Variants in DLC1 observed in about 807,000 individuals in gnomAD.
DLC1 encodes rho GTPase-activating protein 7.
In DLC1, 54 loss-of-function variants were observed where a neutral mutation model predicts 140.3. The ratio of observed to expected loss-of-function variants is 0.38; its 90% CI spans 0.31 to 0.48. The LOEUF is 0.48. Ranked by LOEUF, DLC1 falls within the 20% of genes least tolerant of loss-of-function variation. The probability of loss-of-function intolerance (pLI) is 0.96; values close to 1 mark genes in which losing one functional copy is unlikely to be tolerated. For synonymous variants in DLC1, 986 were observed against 728.1 expected, an observed-to-expected ratio of 1.35 and a Z score of -5.70; for missense variants, 2,536 against 1,907.0, an observed-to-expected ratio of 1.33 and a Z score of -6.14.
chr8:13,453,490 A>ATGTG (rs1491215613), intron 2 of DLC1, among the ~76,000 whole-genome samples: 4 of 36,392 alleles, frequency 1.1e-4, no homozygotes, highest in African/African-American at 5.4e-4. Flanking sequence ...GTATATATAT[A>ATGTG]CATATATATA....
At chr8:13,561,983 A>C (rs923380386) in intron 1 of DLC1, among the ~76,000 whole-genome samples, 3 of 152,154 alleles carry the variant, frequency 2.0e-5, no homozygotes, top group African/African-American at 7.2e-5. Flanking sequence ...ACAGGAAAAA[A>C]ATCAATGGAA....
chr8:13,133,708 C>A (rs1263397448), intron 5 of DLC1, among the ~76,000 whole-genome samples: 1 of 152,026 alleles, frequency 6.6e-6, no homozygotes, highest in Admixed American at 6.6e-5. Flanking sequence ...GGCCTGGACC[C>A]TAGTGTGCCT....
In DLC1 at chr8:13,086,408, C is replaced by T; in HGVS notation, c.4348G>A (p.Asp1450Asn). The change falls in exon 17 of 18, where the codon GAT becomes AAT. Residue 1450 changes from aspartate to asparagine, a missense_variant. By Grantham distance (23) the Asp-to-Asn change is conservative (BLOSUM62 1). Transcript: ENST00000276297. Reference sequence around the variant, plus strand: ...CCCACCACAGGTGCGCGATCGTGATCCACAGAGGTTAGTAAAAGGGCACAG... The same window carrying T: ...CCCACCACAGGTGCGCGATCGTGATTCACAGAGGTTAGTAAAAGGGCACAG... ...GACALLLTSVDHDRAPVVGVR... is the reference protein window; with the variant it reads ...GACALLLTSVNHDRAPVVGVR... 1 of 1,614,214 alleles carries T rather than the reference C, an allele frequency of 6.2e-7. No individual in the cohort carries two copies. Among genetic ancestry groups the T allele is most frequent in the African/African-American group, 1.3e-5 (1 of 75,050 alleles).
At chr8:13,411,521 G>A (rs1837781030) in intron 2 of DLC1, among the ~76,000 whole-genome samples, 1 of 152,108 alleles carries the variant, frequency 6.6e-6, no homozygotes, top group South Asian at 2.1e-4. Flanking sequence ...ACCAATAGTA[G>A]ACACTGATGT....
At chr8:13,580,314 G>C (rs1432831685) in intron 1 of DLC1, among the ~76,000 whole-genome samples, 1 of 152,036 alleles carries the variant, frequency 6.6e-6, no homozygotes. Context: ...GTAGAGACAG[G>C]GTTTCGCCGT....
At chr8:13,291,086 T>G (rs1398151702) in intron 5 of DLC1, among the ~76,000 whole-genome samples, 1 of 152,172 alleles carries the variant, frequency 6.6e-6, no homozygotes, top group East Asian at 1.9e-4. Context: ...TTTTTGTATT[T>G]TTAGTAGAGA....
At chr8:13,147,309 C>G (rs1279286156) in intron 5 of DLC1, among the ~76,000 whole-genome samples, 3 of 152,180 alleles carry the variant, frequency 2.0e-5, no homozygotes, top group African/African-American at 7.2e-5. Context: ...CAGTGAACTT[C>G]CCTAAATTAG....
At chr8:13,238,069 G>C (rs1224744084) in intron 5 of DLC1, among the ~76,000 whole-genome samples, 1 of 152,116 alleles carries the variant, frequency 6.6e-6, no homozygotes, top group Non-Finnish European at 1.5e-5. Context: ...ATTTAGCTTT[G>C]CATTTATCCC....
intron 5 of DLC1, among the ~76,000 whole-genome samples, chr8:13,278,970 C>A (rs560958989): frequency 1.3e-5 from 2 of 152,172 alleles, no homozygotes; most frequent in African/African-American, 2.4e-5. Flanking sequence ...AGGATTCATA[C>A]TCGGAGCCGT....
chr8:13,088,623 G>T lies in DLC1; in HGVS notation c.4156C>A (p.Leu1386Ile). ...AVPEEILKRL[L>I]KEQHLWDVDL... Reference sequence around the variant, plus strand: ...ACATCCCAGAGGTGCTGTTCTTTAAGTAGGCGCTTTAAGATTTCCTCTGGC... The same window carrying T: ...ACATCCCAGAGGTGCTGTTCTTTAATTAGGCGCTTTAAGATTTCCTCTGGC... The change falls in exon 16 of 18, where the codon CTT becomes ATT. Residue 1386 changes from leucine to isoleucine, a missense_variant. Coordinates refer to ENST00000276297, the MANE Select transcript of DLC1 (RefSeq NM_182643.3). The T allele has an allele frequency of 6.2e-7, 1 of 1,614,158 alleles. No individual in the cohort carries two copies. Among genetic ancestry groups the T allele is most frequent in the Non-Finnish European group, 8.5e-7 (1 of 1,180,048 alleles).
chr8:13,277,111 A>G (rs899174677), intron 5 of DLC1, among the ~76,000 whole-genome samples: 34 of 152,192 alleles, frequency 2.2e-4, no homozygotes, highest in African/African-American at 8.2e-4. Flanking sequence ...ACTTGAGGCC[A>G]GGAGCTTGAG....
intron 4 of DLC1, among the ~76,000 whole-genome samples, chr8:13,360,791 C>G (rs1401082332): frequency 4.0e-5 from 6 of 151,764 alleles, no homozygotes; most frequent in African/African-American, 1.5e-4. Flanking sequence ...TCTTACTACC[C>G]ACATACAAAC....
intron 5 of DLC1, among the ~76,000 whole-genome samples, chr8:13,299,559 C>G (rs76016166): frequency 0.083 from 12,387 of 148,356 alleles, 599 homozygotes; most frequent in South Asian, 0.17. Context: ...GTGCCAGTTG[C>G]ATGCCACAGA....
intron 5 of DLC1, among the ~76,000 whole-genome samples, chr8:13,237,789 G>A (rs1829357980): frequency 6.6e-6 from 1 of 152,014 alleles, no homozygotes; most frequent in Admixed American, 6.6e-5. Flanking sequence ...CCACACTGTG[G>A]AAATGTTTGT....
At chr8:13,484,836 C>T (rs1459922511) in intron 2 of DLC1, among the ~76,000 whole-genome samples, 1 of 151,896 alleles carries the variant, frequency 6.6e-6, no homozygotes, top group African/African-American at 2.4e-5. Context: ...TGGGTACCTA[C>T]TGACCATGAC....
chr8:13,455,981 T>C (rs1799368573), intron 2 of DLC1, among the ~76,000 whole-genome samples: 2 of 152,238 alleles, frequency 1.3e-5, no homozygotes, highest in South Asian at 4.1e-4. Flanking sequence ...GTTAATTTTG[T>C]TGATTCATTC....
intron 5 of DLC1, chr8:13,304,978 C>A (rs2117518161): frequency 3.8e-6 from 4 of 1,058,024 alleles, no homozygotes; most frequent in Middle Eastern, 4.5e-4. Context: ...TCCCCAGAAC[C>A]TTGATCAACA....
chr8:13,324,587 A>AAAG (rs1452756064), intron 4 of DLC1, among the ~76,000 whole-genome samples: 1 of 151,860 alleles, frequency 6.6e-6, no homozygotes, highest in Admixed American at 6.6e-5. Context: ...AAAAAAAAAA[A>AAAG]AAGATTTTAA....
At chr8:13,309,918 T>C (rs1010969168) in intron 4 of DLC1, among the ~76,000 whole-genome samples, 1 of 152,236 alleles carries the variant, frequency 6.6e-6, no homozygotes, top group Non-Finnish European at 1.5e-5. Flanking sequence ...CTTTCTCTGA[T>C]TTTAGGAATA....
Sources: allele counts gnomAD v4.1 joint callset (sites outside exome capture counted in the v4.1 genomes callset), GRCh38; gene constraint gnomAD v4.1.1; transcripts MANE v1.5; gene names NCBI Gene and HGNC (gene_info 2026-07-23, HGNC 2026-07-21).